The following WWOX variants were observed in gnomAD, a reference collection of about 807,000 sequenced individuals.
WWOX encodes WW domain containing oxidoreductase.
A neutral mutation model predicts 46.2 loss-of-function variants in WWOX; 69 were observed. The observed-to-expected ratio is 1.49, with a 90% CI of 1.23 to 1.82. WWOX has a LOEUF of 1.82. Ranked by LOEUF, WWOX falls within the 40% of genes most tolerant of loss-of-function variation. WWOX has a pLI of 0.00. For synonymous variants in WWOX, 359 were observed against 202.6 expected (o/e 1.77, Z -6.56); for missense variants, 919 against 542.6 (o/e 1.69, Z -6.89).
intron 8 of WWOX, among the ~76,000 whole-genome samples, chr16:78,610,826 T>C (rs953384060): frequency 6.6e-6 from 1 of 152,174 alleles, no homozygotes; most frequent in Non-Finnish European, 1.5e-5. Flanking sequence ...ATCATTATTA[T>C]TATTAATAGT....
At chr16:78,853,682 AT>A (rs1191684452) in intron 8 of WWOX, among the ~76,000 whole-genome samples, 4 of 152,232 alleles carry the variant, frequency 2.6e-5, no homozygotes, top group Middle Eastern at 6.8e-3. Context: ...TTCTAAAGTA[AT>A]GTAGTATGCA....
intron 8 of WWOX, among the ~76,000 whole-genome samples, chr16:79,131,850 A>T (rs1234087236): frequency 4.6e-5 from 7 of 152,224 alleles, no homozygotes; most frequent in Non-Finnish European, 1.0e-4. Context: ...CCTTACAATC[A>T]TGGTGGAAGG....
At chr16:78,989,033 G>A (rs978175698) in intron 8 of WWOX, among the ~76,000 whole-genome samples, 13 of 152,184 alleles carry the variant, frequency 8.5e-5, no homozygotes, top group African/African-American at 2.9e-4. Flanking sequence ...TAATCATCCT[G>A]AGTTCGATGA....
intron 6 of WWOX, 53 bp from the exon 7 acceptor site, chr16:78,424,817 A>G (rs766512901): frequency 2.5e-6 from 4 of 1,602,378 alleles, no homozygotes; most frequent in Non-Finnish European, 2.6e-6. Flanking sequence ...AGCATGGATT[A>G]TCCTTGGTTG....
At chr16:79,167,791 C>G (rs9972627) in intron 8 of WWOX, among the ~76,000 whole-genome samples, 6,026 of 152,296 alleles carry the variant, frequency 0.04, 417 homozygotes, top group African/African-American at 0.14. Context: ...AAAGTGTACA[C>G]TTCAGTGGCA....
intron 8 of WWOX, among the ~76,000 whole-genome samples, chr16:78,559,928 C>T (rs940283764): frequency 1.3e-5 from 2 of 152,284 alleles, no homozygotes; most frequent in African/African-American, 2.4e-5. Context: ...AGCCTAGCTC[C>T]CCAGCTTCTC....
intron 1 of WWOX, among the ~76,000 whole-genome samples, chr16:78,106,974 C>A (rs1017509557): frequency 7.9e-5 from 12 of 152,202 alleles, no homozygotes; most frequent in African/African-American, 2.9e-4. Context: ...GACAGAGACC[C>A]AGCTGCCAAG....
rs149216532 is a variant in WWOX at position 78,315,689 on chromosome 16, G to T, written c.517-71171G>T. Among the ~76,000 whole-genome samples the T allele has an allele frequency of 7.2e-5, 11 of 152,132 alleles. No homozygotes were observed. In the East Asian group the frequency reaches 2.1e-3, roughly 29 times the overall value. ...GAATAAAAATTATGTGATTAGAGAG[G>T]GGAAAACAATCATTTCTTGTGCGCT... On this transcript the variant is annotated intron_variant, in intron 5 of 8. Transcript: ENST00000566780.
intron 4 of WWOX, among the ~76,000 whole-genome samples, chr16:78,151,834 C>G (rs1367054918): frequency 3.9e-5 from 6 of 152,186 alleles, no homozygotes; most frequent in Admixed American, 3.9e-4. Context: ...ATGTTGGCAC[C>G]TGTTTAACCA....
intron 8 of WWOX, among the ~76,000 whole-genome samples, chr16:78,750,104 TAAAAAC>T (rs1567534756): frequency 6.6e-6 from 1 of 152,136 alleles, no homozygotes; most frequent in East Asian, 1.9e-4. Context: ...TTTCACACCT[TAAAAAC>T]AAGGAAGAAG....
intron 8 of WWOX, among the ~76,000 whole-genome samples, chr16:78,579,979 C>A (rs563155694): frequency 6.6e-6 from 1 of 152,066 alleles, no homozygotes; most frequent in Non-Finnish European, 1.5e-5. Flanking sequence ...GTCATGCCAG[C>A]GTTTAAGGCG....
intron 8 of WWOX, among the ~76,000 whole-genome samples, chr16:78,823,468 C>G (rs1258997387): frequency 6.6e-6 from 1 of 152,182 alleles, no homozygotes; most frequent in African/African-American, 2.4e-5. Context: ...TGAATGTTCA[C>G]CATGGTGACC....
intron 8 of WWOX, among the ~76,000 whole-genome samples, chr16:78,834,059 A>T (rs1276972063): frequency 6.6e-6 from 1 of 152,236 alleles, no homozygotes; most frequent in Non-Finnish European, 1.5e-5. Flanking sequence ...AAATCAGAAC[A>T]CTGCTCACAC....
At chr16:78,914,740 A>G (rs529413040) in intron 8 of WWOX, among the ~76,000 whole-genome samples, 156 of 152,050 alleles carry the variant, frequency 1.0e-3, no homozygotes, top group South Asian at 8.3e-3. Context: ...TTAACTGGGC[A>G]TGCTGGCAGG....
intron 8 of WWOX, among the ~76,000 whole-genome samples, chr16:78,513,746 C>A (rs1161979547): frequency 1.3e-5 from 2 of 152,160 alleles, no homozygotes; most frequent in Non-Finnish European, 2.9e-5. Flanking sequence ...GTCTCATATA[C>A]CCCTCTAAGA....
chr16:78,730,642 T>C (rs975032948), intron 8 of WWOX, among the ~76,000 whole-genome samples: 8 of 125,368 alleles, frequency 6.4e-5, no homozygotes, highest in African/African-American at 1.7e-4. Flanking sequence ...TTTTTTTAAG[T>C]AGAGACAGGG....
intron 6 of WWOX, among the ~76,000 whole-genome samples, chr16:78,401,827 G>C (rs2082420975): frequency 6.6e-6 from 1 of 152,056 alleles, no homozygotes; most frequent in South Asian, 2.1e-4. Flanking sequence ...AGCCTACTGA[G>C]TAGCTGGGAT....
chr16:78,409,807 C>A (rs1027419829), intron 6 of WWOX, among the ~76,000 whole-genome samples: 1 of 152,200 alleles, frequency 6.6e-6, no homozygotes, highest in Non-Finnish European at 1.5e-5. Flanking sequence ...ATCTTCAAAA[C>A]CAGCACTGTT....
At chr16:78,919,281 G>A (rs1007984151) in intron 8 of WWOX, among the ~76,000 whole-genome samples, 2 of 151,874 alleles carry the variant, frequency 1.3e-5, no homozygotes, top group African/African-American at 4.8e-5. Context: ...TTTTATAGAT[G>A]GCTAAGCAGA....
Sources: allele counts gnomAD v4.1 joint callset (sites outside exome capture counted in the v4.1 genomes callset), GRCh38; gene constraint gnomAD v4.1.1; transcripts MANE v1.5; gene names NCBI Gene and HGNC (gene_info 2026-07-23, HGNC 2026-07-21).